Variants in ZNF423 observed in about 807,000 individuals in gnomAD.
ZNF423 encodes zinc finger protein 423, also known as Ebf-associated zinc finger protein.
A neutral mutation model predicts 95.8 loss-of-function variants in ZNF423; 12 were observed. The ratio of observed to expected loss-of-function variants is 0.13; its 90% CI spans 0.08 to 0.20. ZNF423 has a LOEUF of 0.20. Among genes scored for constraint, ZNF423 ranks in the 10% least tolerant of loss-of-function variants. The pLI is 1.00. For missense variants in ZNF423, 1,316 were observed against 1,737.1 expected, an observed-to-expected ratio of 0.76 and a Z score of 4.31; for synonymous variants, 749 against 711.9, an observed-to-expected ratio of 1.05 and a Z score of -0.83.
At chr16:49,772,750 C>T (rs1247288385) in intron 2 of ZNF423, among the ~76,000 whole-genome samples, 1 of 152,050 alleles carries the variant, frequency 6.6e-6, no homozygotes, top group Non-Finnish European at 1.5e-5. Context: ...TCAAATTTAC[C>T]TGCCCCACAA....
intron 5 of ZNF423, among the ~76,000 whole-genome samples, chr16:49,610,105 G>T (rs941338831): frequency 6.6e-6 from 1 of 152,112 alleles, no homozygotes; most frequent in Non-Finnish European, 1.5e-5. Context: ...TGACCTTCAA[G>T]AATCAAGGGA....
chr16:49,578,165 G>C (rs763492826), intron 5 of ZNF423, among the ~76,000 whole-genome samples: 2 of 152,180 alleles, frequency 1.3e-5, no homozygotes, highest in Non-Finnish European at 2.9e-5. Flanking sequence ...CATCCCCCAA[G>C]ACAGGACGGG....
intron 3 of ZNF423, among the ~76,000 whole-genome samples, chr16:49,639,824 C>A (rs1972908856): frequency 6.6e-6 from 1 of 152,168 alleles, no homozygotes; most frequent in Non-Finnish European, 1.5e-5. Context: ...GTTTGCTGGC[C>A]CGGCTAGCCT....
At chr16:49,814,916 C>T (rs72780386) in intron 1 of ZNF423, among the ~76,000 whole-genome samples, 27,370 of 152,060 alleles carry the variant, frequency 0.18, 2,874 homozygotes, top group Middle Eastern at 0.25. Flanking sequence ...TCTTCTGAAG[C>T]AGCCCCAGAG....
At chr16:49,514,926 G>C (rs879449241) in intron 7 of ZNF423, among the ~76,000 whole-genome samples, 1 of 152,204 alleles carries the variant, frequency 6.6e-6, no homozygotes, top group South Asian at 2.1e-4. Context: ...ACATGCCCTG[G>C]CAGGCAGTGC....
intron 5 of ZNF423, among the ~76,000 whole-genome samples, chr16:49,548,814 C>T (rs1752573680): frequency 6.6e-6 from 1 of 152,204 alleles, no homozygotes; most frequent in Non-Finnish European, 1.5e-5. Flanking sequence ...GGCATCCACA[C>T]CCGGACCCAC....
chr16:49,718,577 T>C (rs1306583141), intron 3 of ZNF423, among the ~76,000 whole-genome samples: 1 of 152,212 alleles, frequency 6.6e-6, no homozygotes, highest in Non-Finnish European at 1.5e-5. Flanking sequence ...CTTAAGTCTG[T>C]TCAGGCTCAT....
intron 2 of ZNF423, among the ~76,000 whole-genome samples, chr16:49,763,094 C>T (rs1246954243): frequency 1.3e-5 from 2 of 152,084 alleles, no homozygotes; most frequent in Admixed American, 6.6e-5. Flanking sequence ...TCTCAAACTC[C>T]TGGCCTCAAG....
At chr16:49,776,798 A>T (rs2034129329) in intron 2 of ZNF423, among the ~76,000 whole-genome samples, 2 of 152,204 alleles carry the variant, frequency 1.3e-5, no homozygotes, top group Non-Finnish European at 2.9e-5. Flanking sequence ...AAGAATGTCT[A>T]GGGCCCTGAG....
At chr16:49,580,584 A>G (rs1970638987) in intron 5 of ZNF423, among the ~76,000 whole-genome samples, 1 of 152,162 alleles carries the variant, frequency 6.6e-6, no homozygotes, top group African/African-American at 2.4e-5. Context: ...AAGAAAGGAG[A>G]GCTTTGAACA....
chr16:49,609,126 C>T (rs1263801872), intron 5 of ZNF423, among the ~76,000 whole-genome samples: 4 of 152,116 alleles, frequency 2.6e-5, no homozygotes, highest in Admixed American at 6.5e-5. Context: ...ATTCCTACCA[C>T]GACTGCTCAG....
chr16:49,625,277 C>T (rs1226626989), intron 5 of ZNF423, among the ~76,000 whole-genome samples: 3 of 152,098 alleles, frequency 2.0e-5, no homozygotes, highest in East Asian at 1.9e-4. Flanking sequence ...CGCTTGAACC[C>T]GGGTGGCAGA....
chr16:49,838,541 G>A (rs966733975), intron 1 of ZNF423, among the ~76,000 whole-genome samples: 1 of 152,138 alleles, frequency 6.6e-6, no homozygotes, highest in Non-Finnish European at 1.5e-5. Flanking sequence ...CCCCAAAGCG[G>A]AGGCCCGATC....
chr16:49,551,808 G>GA (rs1555506471), intron 5 of ZNF423, among the ~76,000 whole-genome samples: 1 of 152,216 alleles, frequency 6.6e-6, no homozygotes, highest in Non-Finnish European at 1.5e-5. Context: ...CTGTGGCTGG[G>GA]ACAAGTGGAA....
At chr16:49,508,340 G>A (rs1967740192) in intron 7 of ZNF423, among the ~76,000 whole-genome samples, 1 of 151,992 alleles carries the variant, frequency 6.6e-6, no homozygotes, top group Non-Finnish European at 1.5e-5. Context: ...AGGCAGCATA[G>A]TGAACCCTAT....
intron 3 of ZNF423, among the ~76,000 whole-genome samples, chr16:49,641,863 G>A (rs1972984719): frequency 6.6e-6 from 1 of 152,212 alleles, no homozygotes; most frequent in African/African-American, 2.4e-5. Flanking sequence ...GCAGGGACTG[G>A]CTGCACAGGT....
intron 1 of ZNF423, among the ~76,000 whole-genome samples, chr16:49,835,637 C>T (rs1274422783): frequency 3.3e-5 from 5 of 152,202 alleles, no homozygotes; most frequent in South Asian, 2.1e-4. Context: ...CTCCCCCACC[C>T]GGCATGGCCC....
At chr16:49,709,611 C>T (rs2032480477) in intron 3 of ZNF423, among the ~76,000 whole-genome samples, 1 of 152,102 alleles carries the variant, frequency 6.6e-6, no homozygotes, top group African/African-American at 2.4e-5. Context: ...TTACGTCCCC[C>T]CAAAATTTGT....
At chr16:49,588,152 G>A (rs1156754138) in intron 5 of ZNF423, among the ~76,000 whole-genome samples, 1 of 152,208 alleles carries the variant, frequency 6.6e-6, no homozygotes, top group Non-Finnish European at 1.5e-5. Context: ...ACTATTCCAA[G>A]CCTAGGGTGG....
Sources: allele counts gnomAD v4.1 joint callset (sites outside exome capture counted in the v4.1 genomes callset), GRCh38; gene constraint gnomAD v4.1.1; transcripts MANE v1.5; gene names NCBI Gene and HGNC (gene_info 2026-07-23, HGNC 2026-07-21).